SNTG2: variants seen among roughly 807,000 people sequenced by gnomAD.
SNTG2 encodes syntrophin gamma 2.
SNTG2 carries 74 observed loss-of-function variants against 70.9 expected under a neutral mutation model. That is an observed-to-expected ratio of 1.04 (90% CI 0.86 to 1.27). SNTG2 has a LOEUF of 1.27. Among genes scored for constraint, SNTG2 ranks in the 50% most tolerant of loss-of-function variants. The pLI, the probability that SNTG2 is intolerant of heterozygous loss-of-function variation, is 0.00. For synonymous variants in SNTG2, 278 were observed against 273.8 expected (o/e 1.02, Z -0.15); for missense variants, 717 against 690.7 (o/e 1.04, Z -0.43).
At chr2:1,359,265 T>C (rs1043534691) in intron 16 of SNTG2, among the ~76,000 whole-genome samples, 15 of 152,012 alleles carry the variant, frequency 9.9e-5, no homozygotes, top group African/African-American at 3.6e-4. Context: ...CAGGTGTGAG[T>C]TTTCTACTTG....
intron 4 of SNTG2, among the ~76,000 whole-genome samples, chr2:1,118,722 G>A (rs1667194430): frequency 6.6e-6 from 1 of 151,980 alleles, no homozygotes; most frequent in Non-Finnish European, 1.5e-5. Flanking sequence ...TTGGGGAGGT[G>A]AATAGAAAAC....
At chr2:1,079,688 A>G (rs1664155136) in intron 1 of SNTG2, among the ~76,000 whole-genome samples, 1 of 152,168 alleles carries the variant, frequency 6.6e-6, no homozygotes, top group Non-Finnish European at 1.5e-5. Flanking sequence ...CTCTGTGGAC[A>G]CCAAGTTCAG....
intron 6 of SNTG2, among the ~76,000 whole-genome samples, chr2:1,155,586 A>G (rs1172700928): frequency 6.6e-6 from 1 of 152,230 alleles, no homozygotes; most frequent in East Asian, 1.9e-4. Flanking sequence ...CCCTGGGGCC[A>G]TGTGTGCAAC....
intron 12 of SNTG2, among the ~76,000 whole-genome samples, chr2:1,247,872 C>G (rs536760213): frequency 1.3e-5 from 2 of 152,198 alleles, no homozygotes; most frequent in African/African-American, 2.4e-5. Context: ...AAATAAGCAG[C>G]CTGCTTTAGT....
chr2:1,355,973 C>T (rs1660833145), intron 16 of SNTG2, among the ~76,000 whole-genome samples: 1 of 152,176 alleles, frequency 6.6e-6, no homozygotes, highest in Non-Finnish European at 1.5e-5. Flanking sequence ...GTTTGCTGGC[C>T]ACTTGAATGT....
intron 9 of SNTG2, among the ~76,000 whole-genome samples, chr2:1,209,703 T>C (rs1673908677): frequency 2.6e-5 from 4 of 152,202 alleles, no homozygotes; most frequent in Admixed American, 2.6e-4. Context: ...TTAAATAATT[T>C]CAAAGATGTA....
intron 4 of SNTG2, among the ~76,000 whole-genome samples, chr2:1,121,549 T>C (rs911348822): frequency 5.3e-5 from 8 of 150,466 alleles, no homozygotes; most frequent in African/African-American, 1.9e-4. Context: ...CTGGGTAATT[T>C]ATATGAAGGA....
chr2:1,324,429 A>G (rs918225413), intron 16 of SNTG2, among the ~76,000 whole-genome samples: 9 of 152,234 alleles, frequency 5.9e-5, no homozygotes, highest in Non-Finnish European at 1.0e-4. Context: ...GGATTTTAAT[A>G]AAGAAGAAAA....
At chr2:959,585 G>A (rs1285544162) in intron 1 of SNTG2, among the ~76,000 whole-genome samples, 2 of 151,782 alleles carry the variant, frequency 1.3e-5, no homozygotes, top group African/African-American at 4.8e-5. Context: ...TTCCCGCAGT[G>A]GGCTGTGCAA....
chr2:1,079,282 G>A (rs915314950), intron 1 of SNTG2, among the ~76,000 whole-genome samples: 1 of 141,268 alleles, frequency 7.1e-6, no homozygotes, highest in Non-Finnish European at 1.5e-5. Context: ...GGCACAGGAA[G>A]GGGCACAGAA....
chr2:1,073,245 A>G (rs1185379691), intron 1 of SNTG2, among the ~76,000 whole-genome samples: 1 of 152,208 alleles, frequency 6.6e-6, no homozygotes, highest in African/African-American at 2.4e-5. Flanking sequence ...GCTACAGAGA[A>G]ATCTTTCATG....
chr2:1,024,600 C>G (rs1165384452), intron 1 of SNTG2, among the ~76,000 whole-genome samples: 2 of 152,138 alleles, frequency 1.3e-5, no homozygotes, highest in Non-Finnish European at 2.9e-5. Context: ...TTCTTCAACT[C>G]CTGGGCTCAA....
At chr2:1,006,546 T>G (rs2147993149) in intron 1 of SNTG2, among the ~76,000 whole-genome samples, 1 of 152,294 alleles carries the variant, frequency 6.6e-6, no homozygotes, top group East Asian at 1.9e-4. Context: ...TATACTTTTC[T>G]GTATAGACTT....
chr2:1,229,893 G>A (rs539526243), intron 9 of SNTG2, among the ~76,000 whole-genome samples: 27 of 152,340 alleles, frequency 1.8e-4, no homozygotes, highest in Non-Finnish European at 3.4e-4. Context: ...CTCCGAGTGC[G>A]GAGCCCGCCA....
intron 8 of SNTG2, among the ~76,000 whole-genome samples, chr2:1,208,468 G>C (rs1283318615): frequency 6.6e-6 from 1 of 152,174 alleles, no homozygotes; most frequent in Non-Finnish European, 1.5e-5. Flanking sequence ...GAGGTGGGTG[G>C]ATCCTGTGGC....
Position 963,135 on chromosome 2 carries a change from T to TA in SNTG2, c.72+12077dup, listed in dbSNP as rs34242020. Among the ~76,000 whole-genome samples the TA allele has an allele frequency of 7.4e-3, 1,110 of 150,128 alleles. 15 individuals carry two copies. The highest frequency in any genetic ancestry group is 0.025 in the African/African-American group (1,041 of 41,018). ...ATCAGACTATGATTTGAGCTTTTTT[T>TA]AAAAAAAAAACTTCATTATTTGAAA... On this transcript the variant is annotated intron_variant, in intron 1 of 16. Transcript: ENST00000308624.
intron 1 of SNTG2, among the ~76,000 whole-genome samples, chr2:1,015,694 C>T (rs1327681666): frequency 1.3e-5 from 2 of 152,198 alleles, no homozygotes. Flanking sequence ...CCAAATGTTG[C>T]CTAGTTTAGT....
At chr2:1,247,251 G>T in intron 11 of SNTG2, 76 bp from the exon 12 acceptor site, 1 of 859,566 alleles carries the variant, frequency 1.2e-6, no homozygotes, top group East Asian at 2.6e-5. Flanking sequence ...ATCATGGCTT[G>T]CTCATGTGCT....
intron 2 of SNTG2, among the ~76,000 whole-genome samples, chr2:1,088,681 T>C (rs922588534): frequency 1.1e-4 from 17 of 152,240 alleles, no homozygotes; most frequent in Non-Finnish European, 2.9e-5. Context: ...AGTGTGTCCA[T>C]AGTCAAACTG....
Sources: gnomAD v4.1 joint callset for allele counts (sites outside exome capture counted in the v4.1 genomes callset) on GRCh38, gnomAD v4.1.1 for gene constraint, MANE v1.5 for transcripts, NCBI Gene and HGNC (gene_info 2026-07-23, HGNC 2026-07-21) for gene names.